SLC5A4: variants seen among roughly 807,000 people sequenced by gnomAD.
The protein encoded by SLC5A4 is probable glucose sensor protein SLC5A4.
SLC5A4 carries 55 observed loss-of-function variants against 70.3 expected under a neutral mutation model. The ratio of observed to expected loss-of-function variants is 0.78; its 90% CI spans 0.63 to 0.98. The LOEUF is 0.98. SLC5A4 is among the 50% of genes least tolerant of loss of function. The pLI is 0.00. For synonymous variants in SLC5A4, 268 were observed against 305.7 expected, an observed-to-expected ratio of 0.88 and a Z score of 1.29; for missense variants, 735 against 839.2, an observed-to-expected ratio of 0.88 and a Z score of 1.53.
the SLC5A4 span, among the ~76,000 whole-genome samples, chr22:32,312,806 C>T: frequency 1.3e-4 from 20 of 152,202 alleles, no homozygotes; most frequent in African/African-American, 4.8e-4. Context: ...TCCTGAGGCA[C>T]AGCAAAAGGG....
At chr22:32,248,490 C>T (rs62241060) in intron 4 of SLC5A4, among the ~76,000 whole-genome samples, 1,566 of 152,222 alleles carry the variant, frequency 0.01, 8 homozygotes, top group South Asian at 0.027. Flanking sequence ...TCCTGTTGAC[C>T]GACTTCTCTT....
the SLC5A4 span, among the ~76,000 whole-genome samples, chr22:32,313,059 A>C: frequency 6.6e-6 from 1 of 152,254 alleles, no homozygotes; most frequent in Non-Finnish European, 1.5e-5. Context: ...GGCAAGAAAA[A>C]AAAGCATAGA....
the SLC5A4 span, among the ~76,000 whole-genome samples, chr22:32,341,184 A>C: frequency 6.6e-6 from 1 of 151,828 alleles, no homozygotes; most frequent in Admixed American, 6.6e-5. Flanking sequence ...GAGAGAGACC[A>C]GGGGAGAAAG....
the SLC5A4 span, among the ~76,000 whole-genome samples, chr22:32,307,243 G>C: frequency 6.6e-6 from 1 of 150,926 alleles, no homozygotes; most frequent in South Asian, 2.1e-4. Context: ...TGTGAAGATA[G>C]GAGTTTTAGG....
the SLC5A4 span, among the ~76,000 whole-genome samples, chr22:32,273,806 C>A: frequency 7.2e-6 from 1 of 138,496 alleles, no homozygotes; most frequent in Non-Finnish European, 1.5e-5. Flanking sequence ...CAAACAAAAA[C>A]AAACAAACAA....
the SLC5A4 span, among the ~76,000 whole-genome samples, chr22:32,347,237 A>G: frequency 6.6e-6 from 1 of 152,192 alleles, no homozygotes; most frequent in African/African-American, 2.4e-5. Flanking sequence ...AGAAATAGGA[A>G]CACTTTCACA....
chr22:32,353,613 C>T, the SLC5A4 span, among the ~76,000 whole-genome samples: 1 of 152,014 alleles, frequency 6.6e-6, no homozygotes, highest in African/African-American at 2.4e-5. Flanking sequence ...CCTAACCCGC[C>T]GCCGGCAGTG....
At chr22:32,274,318 G>A in the SLC5A4 span, among the ~76,000 whole-genome samples, 3,935 of 152,196 alleles carry the variant, frequency 0.026, 51 homozygotes, top group Admixed American at 0.032. Context: ...GGGATTATAG[G>A]CATGAGCCAC....
the SLC5A4 span, among the ~76,000 whole-genome samples, chr22:32,319,337 G>C: frequency 6.6e-6 from 1 of 151,584 alleles, no homozygotes; most frequent in Non-Finnish European, 1.5e-5. Flanking sequence ...ACTCACACTG[G>C]AACTCACACC....
chr22:32,294,404 AT>A, the SLC5A4 span, among the ~76,000 whole-genome samples: 6 of 152,182 alleles, frequency 3.9e-5, no homozygotes, highest in East Asian at 5.8e-4. Flanking sequence ...GTACAGAGAC[AT>A]TCTTTTACTT....
chr22:32,260,516 A>C, the SLC5A4 span, among the ~76,000 whole-genome samples: 29 of 152,026 alleles, frequency 1.9e-4, 1 homozygote, highest in South Asian at 4.2e-4. Context: ...GACAAAAAAA[A>C]AAAACAAAAC....
At chr22:32,322,099 C>A in the SLC5A4 span, among the ~76,000 whole-genome samples, 3 of 152,116 alleles carry the variant, frequency 2.0e-5, no homozygotes, top group African/African-American at 7.2e-5. Flanking sequence ...GATGTTGGAG[C>A]TAGGGACCAG....
At chr22:32,309,654 TAC>T in the SLC5A4 span, among the ~76,000 whole-genome samples, 2 of 151,876 alleles carry the variant, frequency 1.3e-5, no homozygotes, top group African/African-American at 2.4e-5. Flanking sequence ...GGGGATTGAA[TAC>T]ACACACACAC....
the SLC5A4 span, among the ~76,000 whole-genome samples, chr22:32,281,906 C>T: frequency 1.3e-5 from 2 of 152,276 alleles, no homozygotes; most frequent in African/African-American, 2.4e-5. Flanking sequence ...CGCAGTGGCA[C>T]GATCTTGGCT....
At chr22:32,301,513 T>G in the SLC5A4 span, among the ~76,000 whole-genome samples, 1 of 152,150 alleles carries the variant, frequency 6.6e-6, no homozygotes, top group African/African-American at 2.4e-5. Context: ...GAAAGAAATT[T>G]TAAAAGGTCT....
At chr22:32,244,606 C>T (rs1926716323) in intron 5 of SLC5A4, among the ~76,000 whole-genome samples, 1 of 152,184 alleles carries the variant, frequency 6.6e-6, no homozygotes, top group Admixed American at 6.6e-5. Context: ...GATCTTAGCT[C>T]ATTATAACTT....
At chr22:32,238,901 G>C (rs1009269073) in intron 6 of SLC5A4, 84 bp downstream of exon 6, 1 of 931,098 alleles carries the variant, frequency 1.1e-6, no homozygotes, top group Admixed American at 1.7e-5. Flanking sequence ...GCAGTGACAA[G>C]GTTAACACTG....
At chr22:32,251,165 A>C (rs1468471038) in intron 3 of SLC5A4, among the ~76,000 whole-genome samples, 3 of 150,368 alleles carry the variant, frequency 2.0e-5, no homozygotes, top group South Asian at 4.2e-4. Context: ...AAAAAAAAAA[A>C]AAAAAAAAAA....
chr22:32,332,727 C>T, the SLC5A4 span, among the ~76,000 whole-genome samples: 6 of 152,168 alleles, frequency 3.9e-5, no homozygotes, highest in African/African-American at 9.7e-5. Context: ...AGACACTTCT[C>T]GGGGAACTTA....
Sources: gnomAD v4.1 joint callset for allele counts (sites outside exome capture counted in the v4.1 genomes callset) on GRCh38, gnomAD v4.1.1 for gene constraint, MANE v1.5 for transcripts, NCBI Gene and HGNC (gene_info 2026-07-23, HGNC 2026-07-21) for gene names.